Variants in GLG1 observed in about 807,000 individuals in gnomAD.
GLG1 encodes the protein golgi glycoprotein 1.
GLG1 carries 38 observed loss-of-function variants against 160.5 expected under a neutral mutation model. The ratio of observed to expected loss-of-function variants is 0.24; its 90% CI spans 0.18 to 0.31. The LOEUF (loss-of-function observed/expected upper bound fraction) is 0.31. Ranked by LOEUF, GLG1 falls within the 10% of genes least tolerant of loss-of-function variation. GLG1 has a pLI of 1.00. For synonymous variants in GLG1, 644 were observed against 543.4 expected, an observed-to-expected ratio of 1.19 and a Z score of -2.57; for missense variants, 1,373 against 1,505.2, an observed-to-expected ratio of 0.91 and a Z score of 1.45.
intron 1 of GLG1, among the ~76,000 whole-genome samples, chr16:74,568,248 T>C (rs1036833606): frequency 3.9e-5 from 6 of 152,178 alleles, no homozygotes; most frequent in African/African-American, 1.2e-4. Flanking sequence ...CTAAACCTTG[T>C]CTTTACAGTT....
chr16:74,604,226 T>A (rs1958511096), intron 1 of GLG1, among the ~76,000 whole-genome samples: 1 of 152,104 alleles, frequency 6.6e-6, no homozygotes, highest in Admixed American at 6.6e-5. Flanking sequence ...AAAAGTTCCA[T>A]AAGGTTCCAA....
At chr16:74,584,924 C>CA (rs1264141643) in intron 1 of GLG1, among the ~76,000 whole-genome samples, 3 of 146,216 alleles carry the variant, frequency 2.1e-5, no homozygotes, top group African/African-American at 5.1e-5. Context: ...AACAAACAAA[C>CA]AACAAAAAAA....
intron 1 of GLG1, among the ~76,000 whole-genome samples, chr16:74,561,176 C>T (rs1464732716): frequency 6.6e-6 from 1 of 152,160 alleles, no homozygotes; most frequent in East Asian, 1.9e-4. Context: ...CAGAGCTGGG[C>T]ATGGGGGGCA....
intron 1 of GLG1, among the ~76,000 whole-genome samples, chr16:74,600,747 A>C (rs113487146): frequency 1.7e-4 from 26 of 150,100 alleles, no homozygotes; most frequent in East Asian, 1.2e-3. Flanking sequence ...AAAAAAAAAA[A>C]AAAAAAACAA....
Position 74,542,774 on chromosome 16 carries a change from G to GA in GLG1, c.439-10622dup, listed in dbSNP as rs1457701900. Among the ~76,000 whole-genome samples, 787 of 143,558 alleles carry GA rather than the reference G, an allele frequency of 5.5e-3. 41 individuals are homozygous for GA. The highest frequency in any genetic ancestry group is 0.019 in the African/African-American group (697 of 36,830). The allele number at this position is 143,558 out of a possible 152,430, so 94.2% of individuals were successfully genotyped here. On this transcript the variant is annotated intron_variant, in intron 1 of 25. Transcript: ENST00000422840. ...GGAAGGAAGGAAGGAAGGAAGGAAGGAAGGAAGGAAGGAAGGAAGGAAGGA... is the reference window on the plus strand; with the variant it reads ...GGAAGGAAGGAAGGAAGGAAGGAAGGAAAGGAAGGAAGGAAGGAAGGAAGGA...
At chr16:74,578,339 G>A (rs552020724) in intron 1 of GLG1, among the ~76,000 whole-genome samples, 4 of 152,190 alleles carry the variant, frequency 2.6e-5, no homozygotes, top group East Asian at 1.9e-4. Context: ...TTGTGGCACC[G>A]CACAGTCCAT....
At position 74,503,572 on chromosome 16, in the gene GLG1, T is replaced by C; in HGVS notation, c.733A>G (p.Ile245Val). ...ATACTGCCACATTTCAGAATGTTGA[T>C]GTCATTTTTGCAGTCATCCATGAAG... The part of the protein sequence containing the change: ...CGFMDDCKND[I>V]NILKCGSIRL... The change falls in exon 4 of 26, where the codon ATC becomes GTC. Residue 245 changes from isoleucine to valine, a missense_variant. This residue lies in a region of GLG1 where 174 missense variants were observed against 229.9 expected (regional missense o/e 0.76). Transcript: ENST00000422840. 3.1e-6 allele frequency: 5 copies of C among 1,613,772 alleles called. No homozygotes were observed. Among genetic ancestry groups the C allele is most frequent in the Non-Finnish European group, 3.4e-6 (4 of 1,179,666 alleles).
At chr16:74,559,019 G>A (rs957542891) in intron 1 of GLG1, among the ~76,000 whole-genome samples, 2 of 152,016 alleles carry the variant, frequency 1.3e-5, no homozygotes. Flanking sequence ...TGAGCAGCTG[G>A]GACTATAGGT....
chr16:74,607,087 G>A lies in GLG1; in HGVS notation c.8C>T (p.Ala3Val), dbSNP rs752535549. ...GAACATCCTCCGTACACGTCCACAC[G>A]CCGCCATCTTGAGTCCGCGGCGAGC... MA[A>V]CGRVRRMFRL... is the part of the protein sequence containing the mutation. The change falls in exon 1 of 26, where the codon GCG (alanine) becomes GTG (valine). Residue 3 changes from alanine to valine, a missense_variant. Physicochemically the swap from Ala to Val is moderately conservative, Grantham distance 64 (BLOSUM62 0). Transcript: ENST00000422840. 1.4e-5 allele frequency: 22 copies of A among 1,545,224 alleles called. No homozygotes were observed. The highest frequency in any genetic ancestry group is 1.8e-5 in the Non-Finnish European group (21 of 1,145,080).
chr16:74,485,981 C>T, intron 8 of GLG1, 64 bp from the exon 9 acceptor site: 4 of 1,302,852 alleles, frequency 3.1e-6, no homozygotes, highest in Non-Finnish European at 4.4e-6. Context: ...AGAGCAGTGT[C>T]TTCATACATT....
intron 2 of GLG1, among the ~76,000 whole-genome samples, chr16:74,526,293 G>C (rs1213052862): frequency 6.8e-6 from 1 of 146,472 alleles, no homozygotes; most frequent in African/African-American, 2.5e-5. Context: ...TCAGATGACT[G>C]ACTATGAGGC....
chr16:74,541,824 C>T (rs1257212556), intron 1 of GLG1, among the ~76,000 whole-genome samples: 1 of 151,746 alleles, frequency 6.6e-6, no homozygotes, highest in Admixed American at 6.6e-5. Context: ...CCTAAAAAGG[C>T]TTATTTTTAC....
At chr16:74,492,019 A>C (rs1441188738) in intron 7 of GLG1, among the ~76,000 whole-genome samples, 1 of 152,082 alleles carries the variant, frequency 6.6e-6, no homozygotes, top group African/African-American at 2.4e-5. Context: ...CCAAAATTTG[A>C]AGCCAAGTCT....
At chr16:74,479,078 A>AAAAAAAAAAAAAAG (rs2015503519) in intron 11 of GLG1, among the ~76,000 whole-genome samples, 1 of 123,820 alleles carries the variant, frequency 8.1e-6, no homozygotes, top group Non-Finnish European at 1.7e-5. Flanking sequence ...AAAAAAAAAA[A>AAAAAAAAAAAAAAG]GCCAGGCATG....
intron 4 of GLG1, among the ~76,000 whole-genome samples, chr16:74,497,874 T>G (rs1597269764): frequency 6.6e-6 from 1 of 152,334 alleles, no homozygotes; most frequent in East Asian, 1.9e-4. Context: ...ATACTCACGT[T>G]GATGTTCTGG....
At chr16:74,590,460 A>T (rs1958149770) in intron 1 of GLG1, among the ~76,000 whole-genome samples, 1 of 151,606 alleles carries the variant, frequency 6.6e-6, no homozygotes, top group Non-Finnish European at 1.5e-5. Context: ...TCTACTAAAA[A>T]TACAAAAAAA....
chr16:74,559,490 C>A (rs2018447818), intron 1 of GLG1, among the ~76,000 whole-genome samples: 1 of 150,380 alleles, frequency 6.6e-6, no homozygotes, highest in Non-Finnish European at 1.5e-5. Context: ...GATGGGGGGG[C>A]AGGGGACAAC....
At chr16:74,597,171 G>A (rs530072288) in intron 1 of GLG1, among the ~76,000 whole-genome samples, 5 of 151,738 alleles carry the variant, frequency 3.3e-5, no homozygotes, top group Admixed American at 1.3e-4. Flanking sequence ...AGTGGCTCAC[G>A]CCTGTAATCC....
chr16:74,486,917 T>C (rs1317325460), intron 8 of GLG1, among the ~76,000 whole-genome samples: 3 of 139,218 alleles, frequency 2.2e-5, no homozygotes, highest in African/African-American at 7.5e-5. Flanking sequence ...TAGAAATCTT[T>C]TTTTTTTCCC....
Sources: allele counts gnomAD v4.1 joint callset (sites outside exome capture counted in the v4.1 genomes callset), GRCh38; gene constraint gnomAD v4.1.1; regional missense constraint gnomAD v4.1.1; transcripts MANE v1.5; gene names NCBI Gene and HGNC (gene_info 2026-07-23, HGNC 2026-07-21).